SPON1: variants seen among roughly 807,000 people sequenced by gnomAD.
SPON1 encodes spondin-1.
SPON1 carries 52 observed loss-of-function variants against 111.7 expected under a neutral mutation model. That is an observed-to-expected ratio of 0.47 (90% confidence interval 0.37 to 0.59). The LOEUF is 0.59. SPON1 is among the 20% of genes least tolerant of loss of function. The pLI, the probability that SPON1 is intolerant of heterozygous loss-of-function variation, is 0.00. For synonymous variants in SPON1, 410 were observed against 395.8 expected (o/e 1.04, Z -0.43); for missense variants, 957 against 1,068.5 (o/e 0.90, Z 1.46).
At position 14,255,727 on chromosome 11, in the gene SPON1, C is replaced by A. The variant is rs782251023; in HGVS notation, c.1173C>A (p.Asp391Glu). The part of the protein sequence containing the change: ...SLDHPQSPFY[D>E]PEGGSITQVA... Reference sequence around the variant, plus strand: ...ACCATCCTCAGAGTCCTTTCTATGACCCAGAGGGTGGGTCCATCACTCAAG... The same window carrying A: ...ACCATCCTCAGAGTCCTTTCTATGAACCAGAGGGTGGGTCCATCACTCAAG... Residue 391 changes from aspartate (D) to glutamate (E), a missense_variant, in exon 9 of 16, where the codon GAC becomes GAA. Coordinates refer to ENST00000576479, the MANE Select transcript of SPON1 (RefSeq NM_006108.4). The A allele has an allele frequency of 6.2e-7, 1 of 1,613,784 alleles. No homozygotes were observed.
In SPON1 at chr11:14,268,121, T is replaced by G. The variant is rs529962429; in HGVS notation, c.*2434T>G. ...AACTGAAAAAATAAACATCGTGCTGTTTTTAATTTGAACTTTGCATATTGA... is the reference window on the plus strand; with the variant it reads ...AACTGAAAAAATAAACATCGTGCTGGTTTTAATTTGAACTTTGCATATTGA... On this transcript the variant is annotated 3_prime_UTR_variant, in exon 16 of 16. Transcript: ENST00000576479. Among the ~76,000 whole-genome samples the G allele has an allele frequency of 1.1e-4, 17 of 152,300 alleles. No individual in the cohort carries two copies. In the East Asian group the frequency reaches 3.1e-3, roughly 28 times the overall value.
intron 6 of SPON1, among the ~76,000 whole-genome samples, chr11:14,150,095 T>A (rs1372752285): frequency 4.6e-5 from 7 of 151,814 alleles, no homozygotes; most frequent in African/African-American, 1.7e-4. Context: ...AATCAATGAA[T>A]AAAGAAAAAT....
intron 2 of SPON1, among the ~76,000 whole-genome samples, chr11:13,992,785 T>C (rs7121310): frequency 0.047 from 7,163 of 152,006 alleles, 552 homozygotes; most frequent in African/African-American, 0.16. Context: ...CAGTCCCTCA[T>C]GGCTCCCCTT....
At chr11:14,012,790 A>G (rs2697855) in intron 2 of SPON1, among the ~76,000 whole-genome samples, 113,034 of 151,908 alleles carry the variant, frequency 0.74, 42,286 homozygotes, top group East Asian at 0.81. Context: ...TCCTTTGAGG[A>G]CAAAGCATGT....
At chr11:14,009,548 A>G (rs1462722797) in intron 2 of SPON1, among the ~76,000 whole-genome samples, 2 of 152,214 alleles carry the variant, frequency 1.3e-5, no homozygotes, top group Non-Finnish European at 2.9e-5. Context: ...TTCTCGTTGC[A>G]CATATATCTG....
At chr11:14,064,368 C>G (rs930147285) in intron 3 of SPON1, among the ~76,000 whole-genome samples, 26 of 152,160 alleles carry the variant, frequency 1.7e-4, no homozygotes, top group African/African-American at 6.3e-4. Context: ...TTCTGATGGT[C>G]CTGGTTAATG....
At chr11:14,127,580 A>G (rs1203115604) in intron 5 of SPON1, among the ~76,000 whole-genome samples, 3 of 152,202 alleles carry the variant, frequency 2.0e-5, no homozygotes, top group African/African-American at 7.2e-5. Context: ...TCTTTGACTC[A>G]ACTTTGAATC....
chr11:14,263,037 A>G lies in SPON1; in HGVS notation c.2260+62A>G, dbSNP rs893968190. The G allele has an allele frequency of 2.6e-5, 38 of 1,474,938 alleles. No individual in the cohort carries two copies. The African/African-American group carries it at 5.2e-4, about 20-fold the overall frequency. The allele number at this position is 1,474,938 out of a possible 1,614,324, so 91.4% of individuals were successfully genotyped here. Reference sequence around the variant, plus strand: ...GACAGGCAGGGTTCTGCACTGGGCTAAGTCTTGGACCTGTTTAAAAAAAAA... The same window carrying G: ...GACAGGCAGGGTTCTGCACTGGGCTGAGTCTTGGACCTGTTTAAAAAAAAA... On this transcript the variant is annotated intron_variant, in intron 15 of 15. Coordinates refer to ENST00000576479, the MANE Select transcript of SPON1 (RefSeq NM_006108.4).
In SPON1 at chr11:14,071,501, G is replaced by C. The variant is rs557123823; in HGVS notation, c.480-3844G>C. On this transcript the variant is annotated intron_variant, in intron 3 of 15. Transcript: ENST00000576479. ...AGAGTTACAATGCCCTATGTCTAAC[G>C]ACCCACTAGACTGCCCACCATCACA... Among the ~76,000 whole-genome samples, 485 of 152,094 alleles carry C rather than the reference G, an allele frequency of 3.2e-3. 2 individuals carry two copies. Among genetic ancestry groups the C allele is most frequent in the Middle Eastern group, 0.017 (5 of 294 alleles).
intron 5 of SPON1, among the ~76,000 whole-genome samples, chr11:14,095,404 CTAGATAGATAGATAGA>C (rs3047371): frequency 9.4e-4 from 140 of 148,320 alleles, no homozygotes; most frequent in Non-Finnish European, 1.2e-3. Flanking sequence ...AAATGAGAGA[CTAGATAGATAGATAGA>C]TAGATAGATA....
intron 1 of SPON1, among the ~76,000 whole-genome samples, chr11:13,973,907 A>G (rs1291439901): frequency 1.3e-5 from 2 of 152,174 alleles, no homozygotes; most frequent in Admixed American, 6.5e-5. Context: ...AGTATGCATG[A>G]TCTTCAGTTT....
chr11:13,985,217 G>A (rs151098492), intron 2 of SPON1, among the ~76,000 whole-genome samples: 10 of 152,258 alleles, frequency 6.6e-5, no homozygotes, highest in Non-Finnish European at 1.5e-4. Context: ...CCATCATCAC[G>A]TCAACACATC....
chr11:14,260,815 C>T (rs1452443369), intron 14 of SPON1, 63 bp downstream of exon 14: 1 of 1,538,320 alleles, frequency 6.5e-7, no homozygotes, highest in Non-Finnish European at 8.9e-7. Flanking sequence ...GAGCCCCGAA[C>T]CAGCCAGTGC....
At chr11:14,237,169 C>G (rs1848877085) in intron 6 of SPON1, among the ~76,000 whole-genome samples, 1 of 152,194 alleles carries the variant, frequency 6.6e-6, no homozygotes, top group Non-Finnish European at 1.5e-5. Context: ...AACACTCACC[C>G]AGGCATGAAA....
At position 14,030,588 on chromosome 11, in the gene SPON1, G is replaced by A. The variant is rs79798153; in HGVS notation, c.346-10933G>A. 1.4e-3 allele frequency among the ~76,000 whole-genome samples: 215 copies of A among 152,330 alleles called. 1 individual carries two copies. In the East Asian group the frequency reaches 0.027, roughly 19 times the overall value. ...ATGAATAAGATGGAGGTAAGAATCCGTTTGAAGAGATGCTAATGCAAAAAG... is the reference window on the plus strand; with the variant it reads ...ATGAATAAGATGGAGGTAAGAATCCATTTGAAGAGATGCTAATGCAAAAAG... On this transcript the variant is annotated intron_variant, in intron 2 of 15. Transcript: ENST00000576479.
At chr11:14,182,271 C>A (rs1489997263) in intron 6 of SPON1, among the ~76,000 whole-genome samples, 1 of 152,138 alleles carries the variant, frequency 6.6e-6, no homozygotes, top group Non-Finnish European at 1.5e-5. Context: ...TTTGAATAGG[C>A]ATGTGTGAGA....
intron 3 of SPON1, among the ~76,000 whole-genome samples, chr11:14,046,080 G>A (rs985003480): frequency 9.2e-5 from 14 of 152,184 alleles, no homozygotes; most frequent in African/African-American, 2.4e-4. Context: ...AGGTGCCAGA[G>A]GAAAGTTTAA....
chr11:14,173,113 G>A (rs553467692), intron 6 of SPON1, among the ~76,000 whole-genome samples: 19 of 151,954 alleles, frequency 1.3e-4, no homozygotes, highest in African/African-American at 3.1e-4. Context: ...CATTCTCCCC[G>A]TCACTTTCAG....
intron 2 of SPON1, among the ~76,000 whole-genome samples, chr11:13,983,159 T>G (rs1848157445): frequency 6.6e-6 from 1 of 152,216 alleles, no homozygotes; most frequent in African/African-American, 2.4e-5. Flanking sequence ...AGGCCTTGTT[T>G]TGTCTCAGCA....
Sources: gnomAD v4.1 joint callset for allele counts (sites outside exome capture counted in the v4.1 genomes callset) on GRCh38, gnomAD v4.1.1 for gene constraint, MANE v1.5 for transcripts, NCBI Gene and HGNC (gene_info 2026-07-23, HGNC 2026-07-21) for gene names.